USP54: variants seen among roughly 807,000 people sequenced by gnomAD.
USP54 encodes ubiquitin specific peptidase 54, also known as ubiquitin carboxyl-terminal hydrolase 54.
A neutral mutation model predicts 170.5 loss-of-function variants in USP54; 87 were observed. That is an observed-to-expected ratio of 0.51 (90% CI 0.43 to 0.61). The LOEUF is 0.61. Among genes scored for constraint, USP54 ranks in the 20% least tolerant of loss-of-function variants. The pLI, the probability that USP54 is intolerant of heterozygous loss-of-function variation, is 0.00. For missense variants in USP54, 1,786 were observed against 2,047.8 expected, an observed-to-expected ratio of 0.87 and a Z score of 2.47; for synonymous variants, 655 against 742.8, an observed-to-expected ratio of 0.88 and a Z score of 1.92.
At chr10:73,624,259 G>A (rs1383687812) in intron 1 of USP54, among the ~76,000 whole-genome samples, 2 of 143,036 alleles carry the variant, frequency 1.4e-5, no homozygotes, top group Admixed American at 1.4e-4. Context: ...GTGCAATGGT[G>A]CGATCTCGGC....
intron 15 of USP54, among the ~76,000 whole-genome samples, chr10:73,527,726 G>A (rs1001624533): frequency 1.3e-5 from 2 of 150,944 alleles, no homozygotes; most frequent in Admixed American, 1.3e-4. Flanking sequence ...CATACTGGGT[G>A]TGGTGACTCA....
intron 1 of USP54, among the ~76,000 whole-genome samples, chr10:73,620,321 A>AAAAG (rs112720011): frequency 0.096 from 14,283 of 148,186 alleles, 1,744 homozygotes; most frequent in African/African-American, 0.22. Flanking sequence ...TCAAAAAAAA[A>AAAAG]AAAGAAAGAA....
intron 4 of USP54, among the ~76,000 whole-genome samples, chr10:73,548,548 CCT>C (rs1176665937): frequency 2.0e-5 from 3 of 150,460 alleles, no homozygotes; most frequent in African/African-American, 7.5e-5. Flanking sequence ...TACTATGCAG[CCT>C]TAAAAAAAAT....
chr10:73,539,678 TA>T, intron 9 of USP54, 85 bp from the exon 10 acceptor site: 1 of 1,405,866 alleles, frequency 7.1e-7, no homozygotes, highest in Non-Finnish European at 9.6e-7. Flanking sequence ...CAGCATTTCT[TA>T]AGTAAGGTAC....
chr10:73,593,849 C>T (rs950352029), upstream of USP54, among the ~76,000 whole-genome samples: 2 of 152,070 alleles, frequency 1.3e-5, no homozygotes, highest in Non-Finnish European at 2.9e-5. Context: ...TAAGGTACAA[C>T]AGAATGTTCA....
chr10:73,506,028 A>T (rs975398875), intron 20 of USP54: 3 of 152,222 alleles, frequency 2.0e-5, no homozygotes, highest in Non-Finnish European at 4.4e-5. Context: ...TTTGTTTTCT[A>T]ACACAGTGAT....
intron 12 of USP54, among the ~76,000 whole-genome samples, chr10:73,532,923 C>A (rs2064332640): frequency 6.6e-6 from 1 of 152,108 alleles, no homozygotes; most frequent in South Asian, 2.1e-4. Flanking sequence ...ACACATAAAC[C>A]ATGAAAATAT....
chr10:73,516,030 C>T (rs1308776164), intron 20 of USP54: 2 of 180,194 alleles, frequency 1.1e-5, no homozygotes, highest in African/African-American at 4.7e-5. Flanking sequence ...GATCTGCCCG[C>T]CTCGACCTCC....
Position 73,608,568 on chromosome 10 carries a change from A to G in USP54, c.-18+16999T>C, listed in dbSNP as rs550615288. 2.0e-5 allele frequency among the ~76,000 whole-genome samples: 3 copies of G among 152,260 alleles called. No homozygotes were observed. The South Asian group carries it at 6.2e-4, about 32-fold the overall frequency. On this transcript the variant is annotated intron_variant, in intron 1 of 22. Coordinates refer to the USP54 transcript ENST00000339859. ...TGCTCAGGTAGGTTATTATTATCCTAATCTCACAGATAAGGGAAGTGAGGT... is the reference window on the plus strand; with the variant it reads ...TGCTCAGGTAGGTTATTATTATCCTGATCTCACAGATAAGGGAAGTGAGGT...
intron 17 of USP54, among the ~76,000 whole-genome samples, chr10:73,521,449 T>C (rs1456013678): frequency 2.0e-5 from 3 of 152,344 alleles, no homozygotes; most frequent in East Asian, 3.9e-4. Flanking sequence ...TGCCAACTAG[T>C]GTCAGAACAC....
At chr10:73,500,420 G>A (rs898830406) in intron 23 of USP54, among the ~76,000 whole-genome samples, 2 of 152,294 alleles carry the variant, frequency 1.3e-5, no homozygotes, top group East Asian at 1.9e-4. Flanking sequence ...GGTCATTTTC[G>A]TAAGTAGACA....
Position 73,571,486 on chromosome 10 carries a change from G to A in USP54, c.175C>T (p.Arg59Cys). The change falls in exon 4 of 24, where the codon CGT becomes TGT. Residue 59 changes from arginine (R) to cysteine (C), a missense_variant. Physicochemically the swap from Arg to Cys is radical, Grantham distance 180. Around this residue, in one of 3 missense-constraint regions of USP54, gnomAD observed 361 missense variants for 455.0 expected, o/e 0.79. Transcript: ENST00000687698. ...TGAGTTGTAAGCTGCCTAAAGCTAC[G>A]TCGGAAGATATCCAAGTGCCACAAA... ...QVLWHLDIFR[R>C]SFRQLTTHKC... is the part of the protein sequence containing the mutation. 2 of 1,613,836 alleles carry A rather than the reference G, an allele frequency of 1.2e-6. No homozygotes were observed. The highest frequency in any genetic ancestry group is 1.7e-6 in the Non-Finnish European group (2 of 1,179,870).
chr10:73,502,732 A>G (rs756373249), intron 22 of USP54, among the ~76,000 whole-genome samples: 3 of 152,026 alleles, frequency 2.0e-5, no homozygotes, highest in Non-Finnish European at 2.9e-5. Flanking sequence ...CAGAAGAACC[A>G]CCTTAAATCT....
rs768661364 is a variant in USP54 at position 73,543,001 on chromosome 10, A to G, written c.489+17T>C. On this transcript the variant is annotated intron_variant, in intron 6 of 23. Coordinates refer to ENST00000687698, the MANE Select transcript of USP54 (RefSeq NM_001391956.1). ...TTCTGGAAGAAATGTCTAAAAAAAG[A>G]TGGAGCTAGAGTTCACCTGCTCAAA... 3 of 1,611,674 alleles carry G rather than the reference A, an allele frequency of 1.9e-6. No individual in the cohort carries two copies. The highest frequency in any genetic ancestry group is 2.2e-5 in the South Asian group (2 of 91,020).
At chr10:73,624,389 G>GA (rs1554955782) in intron 1 of USP54, 28 of 71,778 alleles carry the variant, frequency 3.9e-4, no homozygotes, top group African/African-American at 2.0e-3. Context: ...TAGTAGAGAC[G>GA]GGGGGGGGGG....
chr10:73,529,277 A>G (rs1249449086), intron 15 of USP54: 1 of 232,704 alleles, frequency 4.3e-6, no homozygotes, highest in Non-Finnish European at 8.7e-6. Context: ...AGAGGGGAAC[A>G]ACAGACACAG....
chr10:73,569,902 C>CAAAAAAAAAAAAAAAAAAAAAAAAAAAA (rs34676499), intron 4 of USP54, among the ~76,000 whole-genome samples: 2 of 18,708 alleles, frequency 1.1e-4, no homozygotes, highest in South Asian at 8.6e-4. Flanking sequence ...ATTTCATCTC[C>CAAAAAAAAAAAAAAAAAAAAAAAAAAAA]AAAAAAAAAA....
At chr10:73,615,775 G>C in intron 1 of USP54, among the ~76,000 whole-genome samples, 1 of 149,292 alleles carries the variant, frequency 6.7e-6, no homozygotes, top group East Asian at 1.9e-4. Flanking sequence ...ACAAAAATTA[G>C]CTGGTCATGA....
chr10:73,504,911 C>T lies in USP54; in HGVS notation c.4250G>A (p.Arg1417His), dbSNP rs752485943. ...TGAGACAACGGTGCCACTGAGACTG[C>T]GTGAGATGCGACGTAAATTCTCTGC... is the stretch of plus-strand genomic sequence containing the variant. ...YSAENLRRIS[R>H]SLSGTVVSER... The change falls in exon 22 of 24, where the codon CGC becomes CAC. Residue 1417 changes from arginine (R) to histidine (H), a missense_variant. Arg to His is a conservative substitution (Grantham distance 29, BLOSUM62 0). Around this residue, in one of 3 missense-constraint regions of USP54, gnomAD observed 1,418 missense variants for 1,569.0 expected, o/e 0.90. Transcript: ENST00000687698. 9 of 1,614,108 alleles carry T rather than the reference C, an allele frequency of 5.6e-6. No homozygotes were observed. Among genetic ancestry groups the T allele is most frequent in the Admixed American group, 5.0e-5 (3 of 60,010 alleles).
Sources: gnomAD v4.1 joint callset for allele counts (sites outside exome capture counted in the v4.1 genomes callset) on GRCh38, gnomAD v4.1.1 for gene constraint, gnomAD v4.1.1 regional missense constraint, MANE v1.5 for transcripts, NCBI Gene and HGNC (gene_info 2026-07-23, HGNC 2026-07-21) for gene names.